The following RAB31 variants were observed in gnomAD, a reference collection of about 807,000 sequenced individuals.
The protein encoded by RAB31 is ras-related protein Rab-31.
Under a neutral mutation model 25.6 loss-of-function variants are expected in RAB31, and 21 were observed. The ratio of observed to expected loss-of-function variants is 0.82; its 90% CI spans 0.58 to 1.18. The LOEUF (loss-of-function observed/expected upper bound fraction) is 1.18. Among genes scored for constraint, RAB31 ranks in the 50% most tolerant of loss-of-function variants. The pLI, the probability that RAB31 is intolerant of heterozygous loss-of-function variation, is 0.00. For synonymous variants in RAB31, 87 were observed against 84.0 expected (o/e 1.04, Z -0.20); for missense variants, 196 against 250.1 (o/e 0.78, Z 1.46).
intron 1 of RAB31, among the ~76,000 whole-genome samples, chr18:9,710,593 C>T (rs2068011435): frequency 6.6e-6 from 1 of 152,164 alleles, no homozygotes; most frequent in Non-Finnish European, 1.5e-5. Context: ...TGGCTCACAC[C>T]TGTCATCCCA....
chr18:9,810,161 A>G (rs555384163), intron 3 of RAB31, among the ~76,000 whole-genome samples: 19 of 152,338 alleles, frequency 1.2e-4, no homozygotes, highest in African/African-American at 4.1e-4. Flanking sequence ...GGTCTTCTAG[A>G]TGTTTTGCTG....
intron 1 of RAB31, among the ~76,000 whole-genome samples, chr18:9,745,063 C>T (rs138957511): frequency 0.01 from 1,561 of 151,924 alleles, 8 homozygotes; most frequent in Admixed American, 0.036. Flanking sequence ...CCTTAAGCTA[C>T]ATTACTAAGA....
chr18:9,709,074 A>T (rs1028064823), intron 1 of RAB31, among the ~76,000 whole-genome samples: 1 of 152,210 alleles, frequency 6.6e-6, no homozygotes, highest in Admixed American at 6.5e-5. Flanking sequence ...CGCGCCCTGC[A>T]AACTTCCCTG....
chr18:9,727,961 A>T (rs2068103495), intron 1 of RAB31, among the ~76,000 whole-genome samples: 1 of 152,234 alleles, frequency 6.6e-6, no homozygotes, highest in African/African-American at 2.4e-5. Context: ...CTTAGCAAAT[A>T]GATCAGTCTT....
intron 6 of RAB31, among the ~76,000 whole-genome samples, chr18:9,847,536 G>A (rs2068767757): frequency 6.6e-6 from 1 of 152,168 alleles, no homozygotes; most frequent in Non-Finnish European, 1.5e-5. Context: ...ATAAGGACCT[G>A]AAAGAGAAGA....
At chr18:9,841,704 G>A (rs2068735420) in intron 5 of RAB31, among the ~76,000 whole-genome samples, 1 of 152,154 alleles carries the variant, frequency 6.6e-6, no homozygotes, top group Non-Finnish European at 1.5e-5. Flanking sequence ...ACAGTAGCCT[G>A]CTAGTCGTTT....
In RAB31 at chr18:9,861,803, A is replaced by G. The variant is rs935918270; in HGVS notation, c.*2478A>G. On this transcript the variant is annotated 3_prime_UTR_variant, in exon 7 of 7. Coordinates refer to ENST00000578921, the MANE Select transcript of RAB31 (RefSeq NM_006868.4). ...TGTGTATCTGTGTAAATATGATTGTATATGTGTTACTCCGATATGTAATCC... is the reference window on the plus strand; with the variant it reads ...TGTGTATCTGTGTAAATATGATTGTGTATGTGTTACTCCGATATGTAATCC... 2.0e-5 allele frequency: 3 copies of G among 151,390 alleles called. No homozygotes were observed. The highest frequency in any genetic ancestry group is 4.9e-5 in the African/African-American group (2 of 41,032). 9.4% of individuals were successfully genotyped at this position (151,390 alleles called of 1,614,324 possible).
At chr18:9,761,498 G>A (rs2068288524) in intron 1 of RAB31, among the ~76,000 whole-genome samples, 1 of 152,172 alleles carries the variant, frequency 6.6e-6, no homozygotes, top group Non-Finnish European at 1.5e-5. Context: ...ATTATGTCAC[G>A]GGTTTTGTGG....
intron 1 of RAB31, among the ~76,000 whole-genome samples, chr18:9,772,268 A>G (rs2068349186): frequency 6.6e-6 from 1 of 151,716 alleles, no homozygotes; most frequent in South Asian, 2.1e-4. Context: ...ACGTGAGGGA[A>G]CTGAGCAAGC....
chr18:9,840,391 A>T (rs2068727265), intron 5 of RAB31, among the ~76,000 whole-genome samples: 1 of 152,128 alleles, frequency 6.6e-6, no homozygotes. Flanking sequence ...AAAAAAATAA[A>T]CAAAAGTCAC....
intron 2 of RAB31, among the ~76,000 whole-genome samples, chr18:9,791,461 G>A (rs1439008285): frequency 7.3e-6 from 1 of 136,912 alleles, no homozygotes; most frequent in Non-Finnish European, 1.5e-5. Flanking sequence ...GCAGTGGTGC[G>A]ATTTTGGCTC....
At chr18:9,736,427 G>A (rs535357599) in intron 1 of RAB31, among the ~76,000 whole-genome samples, 34 of 152,236 alleles carry the variant, frequency 2.2e-4, no homozygotes, top group African/African-American at 6.7e-4. Flanking sequence ...GATGCTCAGG[G>A]TACTGGATGC....
intron 1 of RAB31, among the ~76,000 whole-genome samples, chr18:9,730,765 G>A (rs1399231085): frequency 1.3e-5 from 2 of 152,228 alleles, no homozygotes; most frequent in Non-Finnish European, 2.9e-5. Flanking sequence ...GTCAATGTGA[G>A]ATGCCCAGTG....
intron 1 of RAB31, among the ~76,000 whole-genome samples, chr18:9,751,998 G>A (rs1265754477): frequency 6.6e-6 from 1 of 152,190 alleles, no homozygotes; most frequent in Admixed American, 6.5e-5. Flanking sequence ...TCCTGAGAGT[G>A]CTGTCTTCTG....
chr18:9,775,188 T>G, intron 1 of RAB31, 90 bp from the exon 2 acceptor site: 1 of 1,589,428 alleles, frequency 6.3e-7, no homozygotes, highest in Non-Finnish European at 8.6e-7. Flanking sequence ...TAGCCAGTCG[T>G]GTCCTCTGGT....
At chr18:9,773,039 CTG>C (rs931872780) in intron 1 of RAB31, among the ~76,000 whole-genome samples, 1 of 152,146 alleles carries the variant, frequency 6.6e-6, no homozygotes, top group Admixed American at 6.5e-5. Context: ...TCTTTGAACT[CTG>C]TGCATCGATT....
chr18:9,807,540 A>G (rs1284554639), intron 3 of RAB31, among the ~76,000 whole-genome samples: 4 of 152,234 alleles, frequency 2.6e-5, no homozygotes, highest in Non-Finnish European at 5.9e-5. Flanking sequence ...ATGCAGGTAC[A>G]TGAGCTGACG....
At chr18:9,829,354 C>T (rs377078436) in intron 5 of RAB31, among the ~76,000 whole-genome samples, 6 of 152,310 alleles carry the variant, frequency 3.9e-5, no homozygotes, top group African/African-American at 1.4e-4. Context: ...GTTCACTCAG[C>T]ATGTTTGTCA....
intron 6 of RAB31, among the ~76,000 whole-genome samples, chr18:9,849,811 G>A (rs2068780099): frequency 6.6e-6 from 1 of 152,182 alleles, no homozygotes. Flanking sequence ...GGCAGGAAAT[G>A]TCGTGGTGCT....
Sources: gnomAD v4.1 joint callset for allele counts (sites outside exome capture counted in the v4.1 genomes callset) on GRCh38, gnomAD v4.1.1 for gene constraint, MANE v1.5 for transcripts, NCBI Gene and HGNC (gene_info 2026-07-23, HGNC 2026-07-21) for gene names.